Variants in EYA2 observed in about 807,000 individuals in gnomAD.
EYA2 encodes EYA transcriptional coactivator and phosphatase 2.
EYA2 carries 31 observed loss-of-function variants against 69.2 expected under a neutral mutation model. The ratio of observed to expected loss-of-function variants is 0.45; its 90% confidence interval spans 0.34 to 0.60. EYA2 has a LOEUF of 0.60. EYA2 is among the 20% of genes least tolerant of loss of function. The pLI, the probability that EYA2 is intolerant of heterozygous loss-of-function variation, is 0.02. For synonymous variants in EYA2, 257 were observed against 279.4 expected (o/e 0.92, Z 0.80); for missense variants, 622 against 701.2 (o/e 0.89, Z 1.28).
chr20:47,134,097 C>T (rs918424512), intron 9 of EYA2, among the ~76,000 whole-genome samples: 2 of 152,216 alleles, frequency 1.3e-5, no homozygotes, highest in African/African-American at 4.8e-5. Flanking sequence ...TCCTGCACAG[C>T]CAGCCTCTAA....
chr20:47,071,359 C>T (rs1423692700), intron 5 of EYA2, among the ~76,000 whole-genome samples: 1 of 152,060 alleles, frequency 6.6e-6, no homozygotes, highest in Non-Finnish European at 1.5e-5. Context: ...GACCAGACTA[C>T]TAGAGTGGCC....
chr20:46,963,323 C>G, intron 1 of EYA2, among the ~76,000 whole-genome samples: 1 of 152,344 alleles, frequency 6.6e-6, no homozygotes, highest in East Asian at 1.9e-4. Flanking sequence ...GAACCCACCA[C>G]AGGGCCTGCT....
chr20:47,143,598 A>G (rs1425392466), intron 10 of EYA2, among the ~76,000 whole-genome samples: 2 of 152,202 alleles, frequency 1.3e-5, no homozygotes, highest in African/African-American at 2.4e-5. Context: ...ATAAAGAGAA[A>G]GAGTGAGAGT....
In EYA2 at chr20:46,958,193, G is replaced by A. The variant is rs749338765; in HGVS notation, c.-10-31808G>A. On this transcript the variant is annotated intron_variant, in intron 1 of 15. Coordinates refer to ENST00000327619, the MANE Select transcript of EYA2 (RefSeq NM_005244.5). ...GAGTCTGGTAAATGGGTTCAGCTGC[G>A]CCTGTGTCTCCCTCTCTGCCTCCTG... 5.9e-5 allele frequency among the ~76,000 whole-genome samples: 9 copies of A among 152,168 alleles called. No homozygotes were observed. In the East Asian group the frequency reaches 1.5e-3, roughly 26 times the overall value.
In EYA2 at chr20:47,004,007, A is replaced by G. The variant is rs138119401; in HGVS notation, c.156-935A>G. Among the ~76,000 whole-genome samples the G allele has an allele frequency of 1.9e-3, 294 of 152,316 alleles. 2 individuals are homozygous for G. Among genetic ancestry groups the G allele is most frequent in the Non-Finnish European group, 2.1e-3 (145 of 68,026 alleles). On this transcript the variant is annotated intron_variant, in intron 3 of 15. Coordinates refer to ENST00000327619, the MANE Select transcript of EYA2 (RefSeq NM_005244.5). Reference sequence around the variant, plus strand: ...TGTGACACAATTCCCAACCCTTAGTAAAAAACACAATGCTTGGCAGCACCC... The same window carrying G: ...TGTGACACAATTCCCAACCCTTAGTGAAAAACACAATGCTTGGCAGCACCC...
chr20:46,975,609 A>G (rs561087743), intron 1 of EYA2, among the ~76,000 whole-genome samples: 4 of 152,338 alleles, frequency 2.6e-5, no homozygotes, highest in Non-Finnish European at 5.9e-5. Context: ...CTTGTTTTAC[A>G]TGCGATCAAG....
intron 1 of EYA2, among the ~76,000 whole-genome samples, chr20:46,919,899 G>A (rs1249716529): frequency 6.6e-6 from 1 of 152,178 alleles, no homozygotes; most frequent in Non-Finnish European, 1.5e-5. Flanking sequence ...AGAGGCCATT[G>A]TTGGATTGTG....
In EYA2 at chr20:47,047,803, A is replaced by G. The variant is rs548182802; in HGVS notation, c.416-24382A>G. Among the ~76,000 whole-genome samples the G allele has an allele frequency of 2.6e-4, 40 of 152,276 alleles. No individual in the cohort carries two copies. The South Asian group carries it at 8.3e-3, about 32-fold the overall frequency. On this transcript the variant is annotated intron_variant, in intron 5 of 15. Coordinates refer to ENST00000327619, the MANE Select transcript of EYA2 (RefSeq NM_005244.5). ...CAAATTTATGACCTTATCGTTCTGG[A>G]AATTAGAATTCCGAAATCAAGGTGT...
intron 4 of EYA2, among the ~76,000 whole-genome samples, chr20:47,007,786 T>A (rs1392239205): frequency 6.6e-6 from 1 of 151,888 alleles, no homozygotes; most frequent in Non-Finnish European, 1.5e-5. Flanking sequence ...TGGCTAATTT[T>A]TTTTTATTTT....
At chr20:47,016,792 T>A (rs1265925568) in intron 5 of EYA2, among the ~76,000 whole-genome samples, 1 of 152,250 alleles carries the variant, frequency 6.6e-6, no homozygotes, top group South Asian at 2.1e-4. Context: ...CTGAGACCAG[T>A]GAGACTGGAG....
chr20:47,002,941 T>C (rs1339724509), intron 3 of EYA2, among the ~76,000 whole-genome samples: 4 of 152,252 alleles, frequency 2.6e-5, no homozygotes, highest in Non-Finnish European at 5.9e-5. Flanking sequence ...CATCTGTTTA[T>C]AATTCCATAA....
chr20:46,976,828 T>G (rs532472383), intron 1 of EYA2, among the ~76,000 whole-genome samples: 1 of 152,284 alleles, frequency 6.6e-6, no homozygotes, highest in African/African-American at 2.4e-5. Flanking sequence ...AGTTTTAAAC[T>G]GGGGGGCCCA....
intron 1 of EYA2, among the ~76,000 whole-genome samples, chr20:46,919,507 C>T (rs1265062618): frequency 6.6e-6 from 1 of 152,234 alleles, no homozygotes; most frequent in Non-Finnish European, 1.5e-5. Context: ...CTCTTGGTAG[C>T]TTCAAACTTT....
intron 9 of EYA2, among the ~76,000 whole-genome samples, chr20:47,101,100 T>G (rs190516389): frequency 4.2e-4 from 64 of 152,350 alleles, no homozygotes; most frequent in Non-Finnish European, 7.8e-4. Flanking sequence ...TATTAATTTT[T>G]TTAGAGACAG....
intron 1 of EYA2, among the ~76,000 whole-genome samples, chr20:46,987,189 A>G (rs889675103): frequency 1.3e-5 from 2 of 152,144 alleles, no homozygotes; most frequent in African/African-American, 4.8e-5. Flanking sequence ...TCCGCTTAAC[A>G]CTGTGGTGTG....
chr20:47,066,912 G>A lies in EYA2; in HGVS notation c.416-5273G>A, dbSNP rs781084922. ...GTGTTTCACATTCCAGCACCAAGCT[G>A]GGTCTGTTTGTCAAAACCCTCCAGA... On this transcript the variant is annotated intron_variant, in intron 5 of 15. Coordinates refer to ENST00000327619, the MANE Select transcript of EYA2 (RefSeq NM_005244.5). 1.6e-4 allele frequency among the ~76,000 whole-genome samples: 24 copies of A among 152,094 alleles called. 1 individual carries two copies. Among genetic ancestry groups the A allele is most frequent in the Admixed American group, 3.9e-4 (6 of 15,268 alleles).
chr20:46,941,131 G>T (rs549653231), intron 1 of EYA2, among the ~76,000 whole-genome samples: 2 of 152,230 alleles, frequency 1.3e-5, no homozygotes, highest in Non-Finnish European at 1.5e-5. Flanking sequence ...CCCCGTGCTG[G>T]ATGGTGCCAT....
chr20:46,932,625 G>A (rs1568672823), intron 1 of EYA2, among the ~76,000 whole-genome samples: 1 of 152,206 alleles, frequency 6.6e-6, no homozygotes, highest in Non-Finnish European at 1.5e-5. Context: ...GCTCAAGCCT[G>A]TAATCCCGGC....
intron 5 of EYA2, among the ~76,000 whole-genome samples, chr20:47,061,610 C>T (rs908161698): frequency 2.1e-4 from 32 of 152,154 alleles, no homozygotes; most frequent in African/African-American, 6.8e-4. Context: ...ACAGTTGGTT[C>T]ACCAACGGCA....
Sources: gnomAD v4.1 joint callset for allele counts (sites outside exome capture counted in the v4.1 genomes callset) on GRCh38, gnomAD v4.1.1 for gene constraint, MANE v1.5 for transcripts, NCBI Gene and HGNC (gene_info 2026-07-23, HGNC 2026-07-21) for gene names.